The following ZBTB20 variants were observed in gnomAD, a reference collection of about 807,000 sequenced individuals.
ZBTB20 encodes the protein zinc finger and BTB domain-containing protein 20.
In ZBTB20, 9 loss-of-function variants were observed where a neutral mutation model predicts 56.9. The observed-to-expected ratio is 0.16, with a 90% CI of 0.10 to 0.28. The LOEUF (loss-of-function observed/expected upper bound fraction) is 0.28. ZBTB20 is among the 10% of genes least tolerant of loss of function. ZBTB20 has a pLI of 1.00. For missense variants in ZBTB20, 655 were observed against 1,003.0 expected, an observed-to-expected ratio of 0.65 and a Z score of 4.69; for synonymous variants, 417 against 420.7, an observed-to-expected ratio of 0.99 and a Z score of 0.11.
At chr3:114,356,942 G>A (rs913316785) in intron 10 of ZBTB20, among the ~76,000 whole-genome samples, 2 of 152,092 alleles carry the variant, frequency 1.3e-5, no homozygotes, top group Non-Finnish European at 2.9e-5. Flanking sequence ...GGGAGCACTG[G>A]AGAAATCACA....
rs866632076 is a variant in ZBTB20 at position 114,486,135 on chromosome 3, T to G, written c.-255+14217A>C. On this transcript the variant is annotated intron_variant, in intron 7 of 11. Transcript: ENST00000675478. ...GTCAGTAAGAGTGTGTGTGTGTGTG[T>G]GTGGGGGGGGGGGGCGGTGTATGAA... Among the ~76,000 whole-genome samples the G allele has an allele frequency of 3.4e-3, 24 of 7,080 alleles. 2 individuals carry two copies. The highest frequency in any genetic ancestry group is 5.8e-3 in the African/African-American group (17 of 2,938). 4.6% of individuals were successfully genotyped at this position (7,080 alleles called of 152,430 possible). A position where few individuals can be genotyped will look rare whatever the true frequency, so the allele number is the denominator to read the frequency against.
intron 1 of ZBTB20, among the ~76,000 whole-genome samples, chr3:115,133,713 AT>A (rs1435652080): frequency 6.6e-6 from 1 of 152,066 alleles, no homozygotes; most frequent in Non-Finnish European, 1.5e-5. Flanking sequence ...GTACTTCATT[AT>A]TTTTTATGGC....
At chr3:114,519,751 T>C (rs1177713043) in intron 6 of ZBTB20, 1 of 152,134 alleles carries the variant, frequency 6.6e-6, no homozygotes, top group African/African-American at 2.4e-5. Context: ...AGAAAGAAAG[T>C]GAGACTGCCA....
intron 7 of ZBTB20, among the ~76,000 whole-genome samples, chr3:114,436,065 G>A (rs1347607045): frequency 6.6e-6 from 1 of 152,154 alleles, no homozygotes; most frequent in Non-Finnish European, 1.5e-5. Flanking sequence ...CAGGCTGCTG[G>A]TGCAATCCAC....
At chr3:114,593,184 ATTT>A (rs2055956222) in intron 6 of ZBTB20, among the ~76,000 whole-genome samples, 1 of 152,138 alleles carries the variant, frequency 6.6e-6, no homozygotes, top group Admixed American at 6.5e-5. Context: ...AAAAGTAGAT[ATTT>A]TGAGGTATTA....
chr3:114,332,781 T>C lies in ZBTB20; in HGVS notation c.*6224A>G, dbSNP rs963131403. ...TTAATTGAGGTCACTTAAGATTAGA[T>C]TTCAGTCTGAAAGTCTACAGTTTAC... On this transcript the variant is annotated 3_prime_UTR_variant, in exon 12 of 12. Transcript: ENST00000675478. 1 of 152,238 alleles carries C rather than the reference T, an allele frequency of 6.6e-6. No individual in the cohort carries two copies. Among genetic ancestry groups the C allele is most frequent in the Admixed American group, 6.5e-5 (1 of 15,286 alleles). The allele number at this position is 152,238 out of a possible 1,614,324, so 9.4% of individuals were successfully genotyped here. A position where few individuals can be genotyped will look rare whatever the true frequency, so the allele number is the denominator to read the frequency against.
chr3:114,587,633 GGAGTT>G (rs1184383674), intron 6 of ZBTB20, among the ~76,000 whole-genome samples: 1 of 152,124 alleles, frequency 6.6e-6, no homozygotes, highest in African/African-American at 2.4e-5. Flanking sequence ...TAAAATGTAG[GGAGTT>G]AAGTACTTCA....
intron 6 of ZBTB20, among the ~76,000 whole-genome samples, chr3:114,600,955 C>T (rs2056713584): frequency 6.7e-6 from 1 of 150,116 alleles, no homozygotes; most frequent in Admixed American, 6.6e-5. Context: ...TAAATTAATG[C>T]CTTAGTTTTT....
chr3:115,099,039 A>G (rs2083482214), intron 1 of ZBTB20, among the ~76,000 whole-genome samples: 1 of 152,198 alleles, frequency 6.6e-6, no homozygotes, highest in Non-Finnish European at 1.5e-5. Context: ...AAATTCCATT[A>G]AGAAGTCCAT....
Position 114,528,852 on chromosome 3 carries a change from C to A in ZBTB20, c.-294-28461G>T, listed in dbSNP as rs550626569. The A allele has an allele frequency of 3.9e-5, 6 of 152,196 alleles. 1 individual carries two copies. The South Asian group carries it at 1.2e-3, about 32-fold the overall frequency. The allele number at this position is 152,196 out of a possible 1,614,324, so 9.4% of individuals were successfully genotyped here. ...TTTTCCTCAGAAATAGACTAATTTCCTCCGATGAAAGAATAATACTGTTAA... is the reference window on the plus strand; with the variant it reads ...TTTTCCTCAGAAATAGACTAATTTCATCCGATGAAAGAATAATACTGTTAA... On this transcript the variant is annotated intron_variant, in intron 6 of 11. Coordinates refer to ENST00000675478, the MANE Select transcript of ZBTB20 (RefSeq NM_001348800.3).
At chr3:114,464,465 C>G (rs2092458483) in intron 7 of ZBTB20, among the ~76,000 whole-genome samples, 1 of 152,114 alleles carries the variant, frequency 6.6e-6, no homozygotes, top group Non-Finnish European at 1.5e-5. Flanking sequence ...ATGGTTTTGA[C>G]AGAAAATATT....
chr3:114,342,450 GAAGGTCATAT>G (rs2079853278), intron 11 of ZBTB20, among the ~76,000 whole-genome samples: 1 of 152,122 alleles, frequency 6.6e-6, no homozygotes, highest in South Asian at 2.1e-4. Context: ...ACATCAAGGG[GAAGGTCATAT>G]AAGTTCCTTC....
At chr3:115,084,834 C>T (rs898315762) in intron 1 of ZBTB20, among the ~76,000 whole-genome samples, 6 of 151,978 alleles carry the variant, frequency 3.9e-5, no homozygotes, top group African/African-American at 7.2e-5. Context: ...TGCCCCATCA[C>T]AAACTGCAAA....
In ZBTB20 at chr3:114,333,401, CT is replaced by C. The variant is rs1468018452; in HGVS notation, c.*5603del. On this transcript the variant is annotated 3_prime_UTR_variant, in exon 12 of 12. Coordinates refer to ENST00000675478, the MANE Select transcript of ZBTB20 (RefSeq NM_001348800.3). ...AAGTTTGCCCCATGTAATCTATTTC[CT>C]GGCTACCTAAGAGAACAGCCGTTTT... 1 of 152,190 alleles carries C rather than the reference CT, an allele frequency of 6.6e-6. No homozygotes were observed. Among genetic ancestry groups the C allele is most frequent in the Non-Finnish European group, 1.5e-5 (1 of 68,048 alleles). 9.4% of individuals were successfully genotyped at this position (152,190 alleles called of 1,614,324 possible).
intron 4 of ZBTB20, chr3:114,876,318 C>A (rs923106128): frequency 6.6e-6 from 1 of 151,930 alleles, no homozygotes; most frequent in South Asian, 2.1e-4. Context: ...TTGTGTCATT[C>A]TTATGCCTTT....
At chr3:114,380,450 G>T (rs2084178334) in intron 9 of ZBTB20, 46 bp from the exon 10 acceptor site, 1 of 1,459,808 alleles carries the variant, frequency 6.9e-7, no homozygotes, top group African/African-American at 1.4e-5. Flanking sequence ...CTGCATATTT[G>T]GGAAAAGGCA....
At chr3:114,988,183 G>A (rs1458186036) in intron 2 of ZBTB20, among the ~76,000 whole-genome samples, 1 of 148,394 alleles carries the variant, frequency 6.7e-6, no homozygotes, top group African/African-American at 2.5e-5. Context: ...TACCATGTTG[G>A]TGTGCTGCAC....
chr3:114,972,253 T>C (rs2077915099), intron 3 of ZBTB20, among the ~76,000 whole-genome samples: 1 of 152,220 alleles, frequency 6.6e-6, no homozygotes, highest in African/African-American at 2.4e-5. Context: ...ACAGTATATA[T>C]TGTGGGTCTT....
chr3:114,588,781 G>C (rs1365986041), intron 6 of ZBTB20, among the ~76,000 whole-genome samples: 1 of 152,120 alleles, frequency 6.6e-6, no homozygotes, highest in Non-Finnish European at 1.5e-5. Context: ...TTTCTGTTCT[G>C]TTCTTCCTTA....
Sources: allele counts gnomAD v4.1 joint callset (sites outside exome capture counted in the v4.1 genomes callset), GRCh38; gene constraint gnomAD v4.1.1; transcripts MANE v1.5; gene names NCBI Gene and HGNC (gene_info 2026-07-23, HGNC 2026-07-21).